AGBL1: variants seen among roughly 807,000 people sequenced by gnomAD.
The protein encoded by AGBL1 is cytosolic carboxypeptidase 4.
AGBL1 carries 130 observed loss-of-function variants against 118.9 expected under a neutral mutation model. The ratio of observed to expected loss-of-function variants is 1.09; its 90% CI spans 0.95 to 1.26. The LOEUF (loss-of-function observed/expected upper bound fraction) is 1.26. Among genes scored for constraint, AGBL1 ranks in the 50% most tolerant of loss-of-function variants. AGBL1 has a pLI of 0.00. For missense variants in AGBL1, 1,584 were observed against 1,298.1 expected (o/e 1.22, Z -3.38); for synonymous variants, 555 against 478.9 (o/e 1.16, Z -2.08).
intron 15 of AGBL1, among the ~76,000 whole-genome samples, chr15:86,279,217 T>A (rs912055009): frequency 1.4e-4 from 22 of 152,242 alleles, no homozygotes; most frequent in African/African-American, 5.1e-4. Context: ...AAGGAAGGAG[T>A]TGAATCCTAT....
At position 86,908,213 on chromosome 15, in the gene AGBL1, C is replaced by A. The variant is rs914973858; in HGVS notation, c.*919C>A. The stretch of plus-strand genomic sequence containing the variant: ...TGATATATAAAAGTGTATAGCTTAG[C>A]ATTTGGTACACAACAACATTGGCTT... On this transcript the variant is annotated 3_prime_UTR_variant, in exon 23 of 23. Coordinates refer to ENST00000614907, the MANE Select transcript of AGBL1 (RefSeq NM_001386094.1). 6.6e-6 allele frequency: 1 copy of A among 152,094 alleles called. No homozygotes were observed. The highest frequency in any genetic ancestry group is 2.4e-5 in the African/African-American group (1 of 41,410). 9.4% of individuals were successfully genotyped at this position (152,094 alleles called of 1,614,324 possible). A position where few individuals can be genotyped will look rare whatever the true frequency, so the allele number is the denominator to read the frequency against.
At chr15:86,108,422 G>A (rs1481168251) in intron 1 of AGBL1, among the ~76,000 whole-genome samples, 2 of 152,216 alleles carry the variant, frequency 1.3e-5, no homozygotes, top group Non-Finnish European at 2.9e-5. Flanking sequence ...GTATAGGCTA[G>A]ACTAATCATT....
intron 16 of AGBL1, among the ~76,000 whole-genome samples, chr15:86,284,723 A>C (rs979446213): frequency 6.6e-6 from 1 of 152,178 alleles, no homozygotes; most frequent in Non-Finnish European, 1.5e-5. Flanking sequence ...TTTTGAGTGC[A>C]TAGTGCTTCT....
At chr15:86,234,666 T>A (rs1449935910) in intron 6 of AGBL1, among the ~76,000 whole-genome samples, 3 of 151,874 alleles carry the variant, frequency 2.0e-5, no homozygotes, top group Non-Finnish European at 4.4e-5. Flanking sequence ...CACTGTGGCA[T>A]GTTTCTTAAT....
intron 5 of AGBL1, among the ~76,000 whole-genome samples, chr15:86,200,234 GA>G (rs1443223889): frequency 6.6e-6 from 1 of 151,978 alleles, no homozygotes; most frequent in African/African-American, 2.4e-5. Flanking sequence ...TATTTTAGGT[GA>G]CAGCACATAT....
At chr15:86,394,055 G>A (rs2141985228) in intron 17 of AGBL1, among the ~76,000 whole-genome samples, 1 of 152,234 alleles carries the variant, frequency 6.6e-6, no homozygotes, top group African/African-American at 2.4e-5. Flanking sequence ...AATTTCAGTT[G>A]TTTATAAGCC....
chr15:86,233,272 A>G lies in AGBL1; in HGVS notation c.526+8321A>G, dbSNP rs73447669. The stretch of plus-strand genomic sequence containing the variant: ...TTAAACTAGTTCTTTGCTAGTTTAA[A>G]TCTTACCAATTATCAAACTGAAATC... On this transcript the variant is annotated intron_variant, in intron 6 of 22. Transcript: ENST00000614907. Among the ~76,000 whole-genome samples the G allele has an allele frequency of 5.0e-3, 755 of 152,320 alleles. 7 individuals are homozygous for G. Among genetic ancestry groups the G allele is most frequent in the African/African-American group, 0.017 (724 of 41,574 alleles).
downstream of AGBL1, among the ~76,000 whole-genome samples, chr15:86,916,491 T>C (rs953293977): frequency 1.3e-5 from 2 of 152,140 alleles, no homozygotes; most frequent in South Asian, 2.1e-4. Context: ...ATAATAAAAA[T>C]GGATCAGGCA....
intron 18 of AGBL1, among the ~76,000 whole-genome samples, chr15:86,506,566 A>G (rs1285088923): frequency 1.3e-5 from 2 of 152,142 alleles, no homozygotes; most frequent in East Asian, 1.9e-4. Context: ...TCAACAAAAC[A>G]ACCTTAATTG....
At chr15:86,137,140 A>G (rs1048605429) in intron 1 of AGBL1, among the ~76,000 whole-genome samples, 2 of 152,218 alleles carry the variant, frequency 1.3e-5, no homozygotes, top group Admixed American at 6.5e-5. Flanking sequence ...TACATAAATT[A>G]ATGCCAGTTG....
intron 22 of AGBL1, among the ~76,000 whole-genome samples, chr15:86,762,959 C>T (rs188458212): frequency 6.6e-6 from 1 of 151,984 alleles, no homozygotes; most frequent in African/African-American, 2.4e-5. Context: ...AGGGAAAACA[C>T]CATAGCACTG....
At chr15:86,395,618 T>C (rs1208733312) in intron 17 of AGBL1, among the ~76,000 whole-genome samples, 4 of 152,006 alleles carry the variant, frequency 2.6e-5, no homozygotes, top group African/African-American at 9.7e-5. Flanking sequence ...TAAGGGAAAA[T>C]ATAGCTGAGT....
intron 17 of AGBL1, among the ~76,000 whole-genome samples, chr15:86,328,915 A>G (rs1484124266): frequency 1.3e-5 from 2 of 152,214 alleles, no homozygotes; most frequent in African/African-American, 4.8e-5. Context: ...TCATTCTTTG[A>G]CAATTTGCAT....
intron 21 of AGBL1, among the ~76,000 whole-genome samples, chr15:86,657,715 T>G (rs150844203): frequency 2.6e-3 from 394 of 152,258 alleles, no homozygotes; most frequent in Non-Finnish European, 3.5e-3. Flanking sequence ...GCTCCAAACT[T>G]AAGGTGGTGG....
intron 6 of AGBL1, among the ~76,000 whole-genome samples, chr15:86,245,453 A>G (rs78714450): frequency 0.034 from 5,181 of 152,328 alleles, 121 homozygotes; most frequent in Non-Finnish European, 0.056. Context: ...ACTGAGAGTC[A>G]GCAGGTTAGA....
chr15:86,605,314 A>T (rs902332387), intron 21 of AGBL1, among the ~76,000 whole-genome samples: 2 of 138,160 alleles, frequency 1.4e-5, no homozygotes, highest in East Asian at 2.6e-4. Context: ...CTTTTTAAAT[A>T]AAAAAAAAAA....
chr15:86,790,216 G>A (rs138866145), intron 22 of AGBL1, among the ~76,000 whole-genome samples: 456 of 152,068 alleles, frequency 3.0e-3, no homozygotes, highest in African/African-American at 0.01. Context: ...CCAGAAAAAA[G>A]ACATTCTAGA....
chr15:86,880,052 T>A (rs1231876267), intron 22 of AGBL1, among the ~76,000 whole-genome samples: 2 of 152,186 alleles, frequency 1.3e-5, no homozygotes, highest in Non-Finnish European at 1.5e-5. Context: ...AAGTGATGGA[T>A]CACTAGAGCG....
At chr15:86,535,126 G>A (rs2083407575) in intron 19 of AGBL1, among the ~76,000 whole-genome samples, 1 of 152,344 alleles carries the variant, frequency 6.6e-6, no homozygotes, top group Non-Finnish European at 1.5e-5. Flanking sequence ...CTAGCATACA[G>A]GCATGTGAGC....
Sources: allele counts gnomAD v4.1 joint callset (sites outside exome capture counted in the v4.1 genomes callset), GRCh38; gene constraint gnomAD v4.1.1; transcripts MANE v1.5; gene names NCBI Gene and HGNC (gene_info 2026-07-23, HGNC 2026-07-21).